GLCE: variants seen among roughly 807,000 people sequenced by gnomAD.
GLCE encodes D-glucuronyl C5-epimerase.
In GLCE, 19 loss-of-function variants were observed where a neutral mutation model predicts 47.9. That is an observed-to-expected ratio of 0.40 (90% CI 0.28 to 0.58). The LOEUF (loss-of-function observed/expected upper bound fraction) is 0.58. GLCE is among the 20% of genes least tolerant of loss of function. GLCE has a pLI of 0.48. For missense variants in GLCE, 556 were observed against 743.3 expected (o/e 0.75, Z 2.93); for synonymous variants, 245 against 263.4 (o/e 0.93, Z 0.68).
intron 3 of GLCE, among the ~76,000 whole-genome samples, chr15:69,260,190 A>ATTTTATTTTAT (rs2052991558): frequency 6.6e-6 from 1 of 152,048 alleles, no homozygotes. Context: ...ACATTTTAAC[A>ATTTTATTTTAT]GGAAAGATAT....
intron 2 of GLCE, among the ~76,000 whole-genome samples, chr15:69,233,058 AATATTC>A (rs1421119499): frequency 6.6e-6 from 1 of 152,184 alleles, no homozygotes; most frequent in Non-Finnish European, 1.5e-5. Flanking sequence ...AAGATTGTAG[AATATTC>A]ATATTTGGGC....
intron 1 of GLCE, among the ~76,000 whole-genome samples, chr15:69,178,230 C>G (rs551930178): frequency 6.6e-6 from 1 of 151,994 alleles, no homozygotes; most frequent in East Asian, 1.9e-4. Flanking sequence ...AGAGTAAGAT[C>G]AAAAATCCAA....
At chr15:69,229,659 C>A in intron 2 of GLCE, among the ~76,000 whole-genome samples, 1 of 149,410 alleles carries the variant, frequency 6.7e-6, no homozygotes, top group African/African-American at 2.5e-5. Flanking sequence ...AGTTAATATA[C>A]CAGTAGTGGA....
chr15:69,246,716 A>AC (rs2052754651), intron 2 of GLCE, among the ~76,000 whole-genome samples: 1 of 137,036 alleles, frequency 7.3e-6, no homozygotes, highest in Non-Finnish European at 1.5e-5. Flanking sequence ...ACTCCATCTC[A>AC]GAAAAAAAAA....
intron 3 of GLCE, chr15:69,260,709 T>C (rs968223812): frequency 1.1e-5 from 2 of 174,842 alleles, no homozygotes; most frequent in African/African-American, 4.7e-5. Context: ...ATATTGAAAA[T>C]AGAACTGTGG....
intron 1 of GLCE, among the ~76,000 whole-genome samples, chr15:69,164,581 A>G (rs1004762505): frequency 1.3e-5 from 2 of 151,280 alleles, no homozygotes; most frequent in African/African-American, 4.8e-5. Context: ...AAAAAGATAC[A>G]TATACACACA....
chr15:69,197,740 G>T (rs2052015164), intron 1 of GLCE, among the ~76,000 whole-genome samples: 2 of 152,146 alleles, frequency 1.3e-5, no homozygotes, highest in African/African-American at 4.8e-5. Context: ...GGAGAAAATG[G>T]GAGATGTGGA....
chr15:69,228,219 G>A (rs936051409), intron 2 of GLCE, among the ~76,000 whole-genome samples: 1 of 152,144 alleles, frequency 6.6e-6, no homozygotes, highest in African/African-American at 2.4e-5. Context: ...AAACCAGTAT[G>A]TATGGATTGA....
At chr15:69,261,023 T>TC in intron 3 of GLCE, 64 bp from the exon 4 acceptor site, 2 of 1,436,436 alleles carry the variant, frequency 1.4e-6, no homozygotes, top group Admixed American at 3.7e-5. Context: ...CAGTGAGGAA[T>TC]GGTATTAGGA....
intron 2 of GLCE, among the ~76,000 whole-genome samples, chr15:69,244,792 G>C (rs1313981984): frequency 6.6e-6 from 1 of 152,134 alleles, no homozygotes; most frequent in Non-Finnish European, 1.5e-5. Flanking sequence ...CTTTGTTCCT[G>C]TTCTTTTCCT....
At chr15:69,200,380 C>G (rs2052060928) in intron 1 of GLCE, among the ~76,000 whole-genome samples, 1 of 152,074 alleles carries the variant, frequency 6.6e-6, no homozygotes, top group African/African-American at 2.4e-5. Flanking sequence ...CAGTTTGGGT[C>G]CTTGGTACTG....
At chr15:69,236,893 A>G (rs564184374) in intron 2 of GLCE, among the ~76,000 whole-genome samples, 1 of 152,326 alleles carries the variant, frequency 6.6e-6, no homozygotes, top group Admixed American at 6.5e-5. Context: ...AAGTGGGATT[A>G]CATTAATAAG....
chr15:69,174,976 T>A (rs557912939), intron 1 of GLCE, among the ~76,000 whole-genome samples: 1 of 152,256 alleles, frequency 6.6e-6, no homozygotes, highest in African/African-American at 2.4e-5. Context: ...ATGTAAGGTT[T>A]TTTAAAAAAA....
intron 2 of GLCE, among the ~76,000 whole-genome samples, chr15:69,214,177 A>T (rs2052271705): frequency 6.6e-6 from 1 of 152,062 alleles, no homozygotes; most frequent in South Asian, 2.1e-4. Context: ...GGTGCTAGGT[A>T]TGTTCATTGC....
intron 1 of GLCE, among the ~76,000 whole-genome samples, chr15:69,204,360 A>G (rs146377277): frequency 0.012 from 1,708 of 142,864 alleles, 27 homozygotes; most frequent in African/African-American, 0.04. Context: ...TCAGCTCACT[A>G]CAACCTCTGT....
At chr15:69,255,677 C>T in intron 2 of GLCE, 117 bp from the exon 3 acceptor site, 1 of 575,982 alleles carries the variant, frequency 1.7e-6, no homozygotes. Flanking sequence ...AAATCTGATC[C>T]AAAATTGTCC....
intron 2 of GLCE, among the ~76,000 whole-genome samples, chr15:69,243,510 G>A (rs2052704024): frequency 6.6e-6 from 1 of 150,478 alleles, no homozygotes; most frequent in East Asian, 2.0e-4. Context: ...AGGCTAAAAG[G>A]ATCACTTGAG....
At chr15:69,208,574 TA>T (rs2052182955) in intron 1 of GLCE, among the ~76,000 whole-genome samples, 1 of 152,086 alleles carries the variant, frequency 6.6e-6, no homozygotes, top group Admixed American at 6.6e-5. Context: ...CCTTCAACTT[TA>T]TTCATTTTAA....
At chr15:69,220,973 A>G (rs1037177743) in intron 2 of GLCE, among the ~76,000 whole-genome samples, 1 of 152,226 alleles carries the variant, frequency 6.6e-6, no homozygotes, top group African/African-American at 2.4e-5. Context: ...ACTCTTTTGC[A>G]TATGGATATC....
Sources: gnomAD v4.1 joint callset for allele counts (sites outside exome capture counted in the v4.1 genomes callset) on GRCh38, gnomAD v4.1.1 for gene constraint, MANE v1.5 for transcripts, NCBI Gene and HGNC (gene_info 2026-07-23, HGNC 2026-07-21) for gene names.